Variants in ATP10B observed in about 807,000 individuals in gnomAD.
ATP10B encodes phospholipid-transporting ATPase VB.
A neutral mutation model predicts 141.2 loss-of-function variants in ATP10B; 122 were observed. The ratio of observed to expected loss-of-function variants is 0.86; its 90% confidence interval spans 0.75 to 1.00. The LOEUF is 1.00. Ranked by LOEUF, ATP10B falls within the 50% of genes least tolerant of loss-of-function variation. ATP10B has a pLI of 0.00. For missense variants in ATP10B, 1,876 were observed against 1,825.3 expected (o/e 1.03, Z -0.51); for synonymous variants, 685 against 692.0 (o/e 0.99, Z 0.16).
chr5:160,597,016 C>T (rs1756743233), intron 22 of ATP10B, among the ~76,000 whole-genome samples: 1 of 152,186 alleles, frequency 6.6e-6, no homozygotes, highest in Non-Finnish European at 1.5e-5. Context: ...CTACCAATGA[C>T]TTTCTTCACA....
intron 1 of ATP10B, among the ~76,000 whole-genome samples, chr5:160,816,310 T>C (rs952646627): frequency 2.8e-4 from 42 of 151,608 alleles, no homozygotes; most frequent in Non-Finnish European, 4.9e-4. Context: ...TAAAAAATGA[T>C]AAAGGGGATA....
chr5:160,829,201 G>T (rs936282609), intron 1 of ATP10B, among the ~76,000 whole-genome samples: 1 of 149,678 alleles, frequency 6.7e-6, no homozygotes, highest in Non-Finnish European at 1.5e-5. Context: ...AAAACTTAAA[G>T]TATAATAATA....
chr5:160,879,410 T>C, the ATP10B span, among the ~76,000 whole-genome samples: 4 of 110,760 alleles, frequency 3.6e-5, no homozygotes, highest in East Asian at 9.0e-4. Flanking sequence ...GGGGGAGGGA[T>C]AGCATTGGGA....
intron 25 of ATP10B, among the ~76,000 whole-genome samples, 165 bp from the exon 26 acceptor site, chr5:160,566,065 C>T (rs1427636642): frequency 1.3e-5 from 2 of 152,126 alleles, no homozygotes; most frequent in Non-Finnish European, 2.9e-5. Flanking sequence ...AGCTCAACAA[C>T]AAAAATAACA....
intron 3 of ATP10B, among the ~76,000 whole-genome samples, chr5:160,693,850 G>A (rs568541259): frequency 3.9e-5 from 6 of 152,208 alleles, no homozygotes; most frequent in African/African-American, 9.7e-5. Context: ...GGCAATGCTC[G>A]CCTGCCACTT....
chr5:160,839,720 G>T (rs1775699057), intron 1 of ATP10B, among the ~76,000 whole-genome samples: 1 of 152,010 alleles, frequency 6.6e-6, no homozygotes, highest in Non-Finnish European at 1.5e-5. Context: ...ACTCTATGTT[G>T]TATATAAGAG....
chr5:160,643,802 G>A (rs992700780), intron 9 of ATP10B, among the ~76,000 whole-genome samples: 2 of 152,202 alleles, frequency 1.3e-5, no homozygotes, highest in African/African-American at 4.8e-5. Flanking sequence ...CAAAGGGGAA[G>A]TTGTTAAGTT....
chr5:160,632,492 G>T, intron 12 of ATP10B, 125 bp from the exon 13 acceptor site: 1 of 846,358 alleles, frequency 1.2e-6, no homozygotes, highest in Non-Finnish European at 1.9e-6. Flanking sequence ...TGAAAAATTG[G>T]CATCTGGGCT....
the ATP10B span, among the ~76,000 whole-genome samples, chr5:160,899,143 T>TA: frequency 2.6e-5 from 4 of 152,076 alleles, no homozygotes; most frequent in Admixed American, 2.6e-4. Flanking sequence ...TAAGGTATAA[T>TA]AAAAAGAGAC....
the ATP10B span, among the ~76,000 whole-genome samples, chr5:160,917,975 A>C: frequency 6.6e-6 from 1 of 152,172 alleles, no homozygotes; most frequent in Non-Finnish European, 1.5e-5. Flanking sequence ...CTGAGATGCT[A>C]AAGGGCTGCT....
chr5:160,822,159 C>T (rs1774158794), intron 1 of ATP10B, among the ~76,000 whole-genome samples: 1 of 151,906 alleles, frequency 6.6e-6, no homozygotes. Flanking sequence ...TCAAACAACT[C>T]TACAGGAAAA....
At chr5:160,725,210 G>A (rs931628564) in intron 2 of ATP10B, among the ~76,000 whole-genome samples, 2 of 152,246 alleles carry the variant, frequency 1.3e-5, no homozygotes, top group East Asian at 1.9e-4. Context: ...TACTTACAGG[G>A]GAAGAACAGT....
intron 2 of ATP10B, among the ~76,000 whole-genome samples, chr5:160,769,115 G>A (rs1769690570): frequency 6.6e-6 from 1 of 152,166 alleles, no homozygotes; most frequent in South Asian, 2.1e-4. Context: ...TTCCATAGAT[G>A]AGTTGGAGCC....
At chr5:160,697,460 G>C (rs1282986736) in intron 3 of ATP10B, among the ~76,000 whole-genome samples, 1 of 152,130 alleles carries the variant, frequency 6.6e-6, no homozygotes, top group Non-Finnish European at 1.5e-5. Context: ...GCACAAAAAA[G>C]TGCTCTGTCC....
At chr5:160,770,435 C>T (rs1769805777) in intron 2 of ATP10B, among the ~76,000 whole-genome samples, 1 of 152,112 alleles carries the variant, frequency 6.6e-6, no homozygotes, top group Non-Finnish European at 1.5e-5. Context: ...TTTAGCTGAA[C>T]ACATTTTTTT....
chr5:160,795,514 G>C (rs1771879010), intron 1 of ATP10B, among the ~76,000 whole-genome samples: 1 of 152,020 alleles, frequency 6.6e-6, no homozygotes, highest in East Asian at 1.9e-4. Context: ...ATGAATAGGG[G>C]TGAGAATAGT....
chr5:160,654,343 T>C (rs946551216), intron 7 of ATP10B, among the ~76,000 whole-genome samples: 2 of 152,022 alleles, frequency 1.3e-5, no homozygotes, highest in African/African-American at 4.8e-5. Context: ...TACCCTGTAG[T>C]TTTTCTTAGA....
intron 7 of ATP10B, among the ~76,000 whole-genome samples, chr5:160,654,939 C>G (rs1399035068): frequency 6.6e-6 from 1 of 152,172 alleles, no homozygotes; most frequent in Non-Finnish European, 1.5e-5. Flanking sequence ...GACAGCAAAG[C>G]CGGACAACAG....
At chr5:160,796,074 C>T (rs143757016) in intron 1 of ATP10B, among the ~76,000 whole-genome samples, 1 of 152,228 alleles carries the variant, frequency 6.6e-6, no homozygotes, top group Non-Finnish European at 1.5e-5. Context: ...CTCACCACAC[C>T]AACTCTAAGA....
Sources: gnomAD v4.1 joint callset for allele counts (sites outside exome capture counted in the v4.1 genomes callset) on GRCh38, gnomAD v4.1.1 for gene constraint, MANE v1.5 for transcripts, NCBI Gene and HGNC (gene_info 2026-07-23, HGNC 2026-07-21) for gene names.